SMYD3: variants seen among roughly 807,000 people sequenced by gnomAD.
SMYD3 encodes the protein SET and MYND domain containing 3.
In SMYD3, 36 loss-of-function variants were observed where a neutral mutation model predicts 57.7. That is an observed-to-expected ratio of 0.62 (90% CI 0.48 to 0.82). The LOEUF (loss-of-function observed/expected upper bound fraction) is 0.82, where lower values mean the gene tolerates loss of function less well. Ranked by LOEUF, SMYD3 falls within the 40% of genes least tolerant of loss-of-function variation. The pLI, the probability that SMYD3 is intolerant of heterozygous loss-of-function variation, is 0.00. For missense variants in SMYD3, 515 were observed against 538.8 expected (o/e 0.96, Z 0.44); for synonymous variants, 211 against 195.0 (o/e 1.08, Z -0.68).
At chr1:245,952,308 A>G (rs1263155029) in intron 5 of SMYD3, among the ~76,000 whole-genome samples, 1 of 152,208 alleles carries the variant, frequency 6.6e-6, no homozygotes, top group African/African-American at 2.4e-5. Context: ...AAACACCAGG[A>G]AACAAGGCAT....
chr1:246,460,834 A>C (rs1180040268), intron 1 of SMYD3, among the ~76,000 whole-genome samples: 3 of 152,234 alleles, frequency 2.0e-5, no homozygotes, highest in Non-Finnish European at 4.4e-5. Context: ...TGAACATTAC[A>C]AAGAAACTTC....
intron 5 of SMYD3, among the ~76,000 whole-genome samples, chr1:246,214,674 T>A (rs1426881695): frequency 6.6e-6 from 1 of 152,124 alleles, no homozygotes; most frequent in African/African-American, 2.4e-5. Flanking sequence ...TTCTGCCCTA[T>A]CCAGCATTTT....
At chr1:246,124,612 C>A (rs935688383) in intron 5 of SMYD3, among the ~76,000 whole-genome samples, 1 of 152,056 alleles carries the variant, frequency 6.6e-6, no homozygotes, top group African/African-American at 2.4e-5. Context: ...AGTTTTCCAA[C>A]CTAATGAGAT....
intron 5 of SMYD3, among the ~76,000 whole-genome samples, chr1:246,214,887 G>A (rs1182968735): frequency 6.6e-6 from 1 of 152,132 alleles, no homozygotes; most frequent in Admixed American, 6.5e-5. Flanking sequence ...TATGTTAGCA[G>A]TACTATAAAA....
intron 2 of SMYD3, among the ~76,000 whole-genome samples, chr1:246,339,223 C>T (rs1313810740): frequency 6.6e-6 from 1 of 152,166 alleles, no homozygotes; most frequent in Non-Finnish European, 1.5e-5. Context: ...TACAACACGG[C>T]TTCTGACCCG....
chr1:246,141,236 C>T (rs746321805), intron 5 of SMYD3, among the ~76,000 whole-genome samples: 3 of 142,702 alleles, frequency 2.1e-5, no homozygotes, highest in Admixed American at 2.0e-4. Flanking sequence ...GAAATCAACT[C>T]TCTCTAACAA....
intron 5 of SMYD3, among the ~76,000 whole-genome samples, chr1:246,253,011 A>G (rs2063820637): frequency 6.6e-6 from 1 of 152,230 alleles, no homozygotes; most frequent in African/African-American, 2.4e-5. Context: ...ATTTCAAATG[A>G]TATGTTATTT....
intron 10 of SMYD3, among the ~76,000 whole-genome samples, chr1:245,852,565 T>C (rs754580186): frequency 1.1e-4 from 16 of 152,192 alleles, no homozygotes; most frequent in Non-Finnish European, 1.9e-4. Flanking sequence ...CCTTGGATTA[T>C]CCATAAAAGT....
chr1:245,762,088 G>A (rs1487512860), intron 11 of SMYD3, among the ~76,000 whole-genome samples: 1 of 152,110 alleles, frequency 6.6e-6, no homozygotes, highest in Non-Finnish European at 1.5e-5. Context: ...CCCAGCCTGA[G>A]TCTTATTCAA....
chr1:246,066,147 C>T (rs2060336781), intron 5 of SMYD3, among the ~76,000 whole-genome samples: 1 of 152,146 alleles, frequency 6.6e-6, no homozygotes, highest in Non-Finnish European at 1.5e-5. Context: ...TATTACTAGG[C>T]CCTACCAATT....
intron 5 of SMYD3, among the ~76,000 whole-genome samples, chr1:245,941,175 C>A (rs1340386911): frequency 2.0e-5 from 3 of 152,066 alleles, no homozygotes. Flanking sequence ...TATAAAAAGA[C>A]CAAATCTACG....
chr1:246,271,729 T>C (rs1055471482), intron 5 of SMYD3, among the ~76,000 whole-genome samples: 1 of 152,236 alleles, frequency 6.6e-6, no homozygotes, highest in Non-Finnish European at 1.5e-5. Flanking sequence ...AATCAGCACA[T>C]TGAGTCATCC....
intron 1 of SMYD3, among the ~76,000 whole-genome samples, chr1:246,496,361 T>C (rs1333498754): frequency 1.3e-5 from 2 of 152,122 alleles, no homozygotes; most frequent in Non-Finnish European, 2.9e-5. Flanking sequence ...CATTATAAGA[T>C]GGTTCATTAA....
rs114479958 is a variant in SMYD3 at position 246,481,422 on chromosome 1, G to C, written c.164+25632C>G. ...GGCCCAATTAGAACAAAAGAATGGA[G>C]AAAGGGTGAATTCTCTCTCTCTCTC... On this transcript the variant is annotated intron_variant, in intron 1 of 11. Coordinates refer to ENST00000490107, the MANE Select transcript of SMYD3 (RefSeq NM_001167740.2). Among the ~76,000 whole-genome samples the C allele has an allele frequency of 5.4e-3, 821 of 150,940 alleles. 4 individuals are homozygous for C. The highest frequency in any genetic ancestry group is 8.2e-3 in the South Asian group (39 of 4,738).
intron 5 of SMYD3, among the ~76,000 whole-genome samples, chr1:246,280,769 G>A (rs1427554834): frequency 6.6e-6 from 1 of 152,074 alleles, no homozygotes; most frequent in African/African-American, 2.4e-5. Flanking sequence ...ACTGACCCCT[G>A]CTGGCCTCAT....
intron 5 of SMYD3, among the ~76,000 whole-genome samples, chr1:246,031,453 T>C (rs1196915126): frequency 1.3e-5 from 2 of 152,090 alleles, no homozygotes; most frequent in Non-Finnish European, 2.9e-5. Flanking sequence ...AAAGAAGTTA[T>C]GGGGCCAGGC....
chr1:246,023,715 C>T (rs2059516235), intron 5 of SMYD3, among the ~76,000 whole-genome samples: 1 of 151,802 alleles, frequency 6.6e-6, no homozygotes, highest in South Asian at 2.1e-4. Flanking sequence ...GCTACAGGGG[C>T]GTGAGTTCAA....
intron 5 of SMYD3, among the ~76,000 whole-genome samples, chr1:246,123,448 T>C (rs1020479794): frequency 6.6e-6 from 1 of 151,984 alleles, no homozygotes; most frequent in African/African-American, 2.4e-5. Context: ...GCACCTGTAG[T>C]CCCAGCTACT....
Position 245,929,930 on chromosome 1 carries a change from C to A in SMYD3, c.539G>T (p.Cys180Phe). 6.2e-7 allele frequency: 1 copy of A among 1,613,426 alleles called. No individual in the cohort carries two copies. The highest frequency in any genetic ancestry group is 8.5e-7 in the Non-Finnish European group (1 of 1,179,526). The change falls in exon 6 of 12, where the codon TGC becomes TTC. Residue 180 changes from cysteine to phenylalanine, a missense_variant. Physicochemically the swap from Cys to Phe is radical, Grantham distance 205. Coordinates refer to ENST00000490107, the MANE Select transcript of SMYD3 (RefSeq NM_001167740.2). ...CGCATTACAGATGGTGAAAGAGTTG[C>A]AGATCACCTGTAAACACAAGGGGAA... ...DLFEAFAKVICNSFTICNAEM... is the reference protein window; with the variant it reads ...DLFEAFAKVIFNSFTICNAEM...
Sources: gnomAD v4.1 joint callset for allele counts (sites outside exome capture counted in the v4.1 genomes callset) on GRCh38, gnomAD v4.1.1 for gene constraint, MANE v1.5 for transcripts, NCBI Gene and HGNC (gene_info 2026-07-23, HGNC 2026-07-21) for gene names.